Variants in PAX7 observed in about 807,000 individuals in gnomAD.
PAX7 encodes paired box 7.
Under a neutral mutation model 50.7 loss-of-function variants are expected in PAX7, and 18 were observed. That is an observed-to-expected ratio of 0.36 (90% confidence interval 0.25 to 0.53). The LOEUF (loss-of-function observed/expected upper bound fraction) is 0.53. Among genes scored for constraint, PAX7 ranks in the 20% least tolerant of loss-of-function variants. The probability of loss-of-function intolerance (pLI) is 0.93; values close to 1 mark genes in which losing one functional copy is unlikely to be tolerated. For missense variants in PAX7, 644 were observed against 702.9 expected, an observed-to-expected ratio of 0.92 and a Z score of 0.95; for synonymous variants, 310 against 290.4, an observed-to-expected ratio of 1.07 and a Z score of -0.69.
intron 4 of PAX7, among the ~76,000 whole-genome samples, chr1:18,691,408 A>C (rs1273681191): frequency 6.6e-6 from 1 of 152,198 alleles, no homozygotes; most frequent in Non-Finnish European, 1.5e-5. Flanking sequence ...CTTGAGTCTT[A>C]TGTCATGGAC....
At position 18,745,033 on chromosome 1, in the gene PAX7, A is replaced by G. The variant is rs2100422679; in HGVS notation, c.*104A>G. 3 of 681,084 alleles carry G rather than the reference A, an allele frequency of 4.4e-6. No homozygotes were observed. Among genetic ancestry groups the G allele is most frequent in the African/African-American group, 1.8e-5 (1 of 55,228 alleles). The allele number at this position is 681,084 out of a possible 1,614,324, so 42.2% of individuals were successfully genotyped here. ...CACCCCCCTGTTGTCCTAGGAGGCC[A>G]GGAAAGGAGCCCACCTGCTTCTCAT... On this transcript the variant is annotated 3_prime_UTR_variant, in exon 9 of 9. Coordinates refer to ENST00000420770, the MANE Select transcript of PAX7 (RefSeq NM_001135254.2).
Position 18,636,449 on chromosome 1 carries a change from C to T in PAX7, c.586+78C>T. 3 of 1,509,342 alleles carry T rather than the reference C, an allele frequency of 2.0e-6. No individual in the cohort carries two copies. Among genetic ancestry groups the T allele is most frequent in the South Asian group, 2.5e-5 (2 of 80,778 alleles). The allele number at this position is 1,509,342 out of a possible 1,614,324, so 93.5% of individuals were successfully genotyped here. A position where few individuals can be genotyped will look rare whatever the true frequency, so the allele number is the denominator to read the frequency against. ...GGTGTGCGGGCCAGTGGTTCGCTCC[C>T]GCCGCCGGAGCAGGCGACCAGAACT... On this transcript the variant is annotated intron_variant, in intron 4 of 8. Transcript: ENST00000420770. This position sits in a 1 kb window ranked among gnomAD's most constrained non-coding sequence, Gnocchi z 5.1.
chr1:18,635,101 A>G lies in PAX7; in HGVS notation c.322-10A>G. 6.2e-7 allele frequency: 1 copy of G among 1,612,854 alleles called. No homozygotes were observed. The highest frequency in any genetic ancestry group is 8.5e-7 in the Non-Finnish European group (1 of 1,179,372). On this transcript the variant is annotated splice_polypyrimidine_tract_variant and intron_variant, in intron 2 of 8. Coordinates refer to ENST00000420770, the MANE Select transcript of PAX7 (RefSeq NM_001135254.2). ...TTTCCACTCCTACTCTCCCACCTCC[A>G]CCTCTGAAGCAGGTGGCGACTCCGG...
At chr1:18,674,458 GAAGAGGTGAA>G (rs1482584279) in intron 4 of PAX7, among the ~76,000 whole-genome samples, 4 of 152,234 alleles carry the variant, frequency 2.6e-5, no homozygotes, top group African/African-American at 9.6e-5. Flanking sequence ...GGGTGGAGAA[GAAGAGGTGAA>G]AAGAGGTGAG....
In PAX7 at chr1:18,703,185, C is replaced by A; in HGVS notation, c.1044C>A (p.Thr348=). ...GLAAAAAAAD[T]SSAYGARHSF... ...CTGCAGCGGCTGCAGCCGCCGACAC[C>A]AGCTCTGCCTACGGAGCCCGCCACA... Residue 348 remains threonine, a synonymous_variant, in exon 7 of 9, where the codon ACC becomes ACA. Coordinates refer to ENST00000420770, the MANE Select transcript of PAX7 (RefSeq NM_001135254.2). 6.2e-7 allele frequency: 1 copy of A among 1,613,592 alleles called. No individual in the cohort carries two copies. The highest frequency in any genetic ancestry group is 8.5e-7 in the Non-Finnish European group (1 of 1,179,974).
chr1:18,673,111 A>G (rs2088776300), intron 4 of PAX7, among the ~76,000 whole-genome samples: 1 of 152,142 alleles, frequency 6.6e-6, no homozygotes, highest in Non-Finnish European at 1.5e-5. Context: ...CCGACTCCCG[A>G]TGGGCCTGGG....
chr1:18,644,419 T>C (rs2088306788), intron 4 of PAX7, among the ~76,000 whole-genome samples: 1 of 152,214 alleles, frequency 6.6e-6, no homozygotes, highest in Non-Finnish European at 1.5e-5. Flanking sequence ...AGACAAATGT[T>C]GTTATCCTTT....
intron 4 of PAX7, among the ~76,000 whole-genome samples, chr1:18,646,769 A>G (rs1198247194): frequency 6.6e-6 from 1 of 151,180 alleles, no homozygotes; most frequent in African/African-American, 2.4e-5. Flanking sequence ...TCCCGCTTTC[A>G]TTTCCACCGA....
In PAX7 at chr1:18,691,946, G is replaced by A. The variant is rs778485142; in HGVS notation, c.779G>A (p.Arg260His). ...LAQRTKLTEARVQVWFSNRRA... is the reference protein window; with the variant it reads ...LAQRTKLTEAHVQVWFSNRRA... ...CAGAGGACCAAGCTGACAGAGGCGC[G>A]TGTGCAGGTGAGGAGGCACCTGCGG... is the stretch of plus-strand genomic sequence containing the variant. Residue 260 changes from arginine (R) to histidine (H), a missense_variant, in exon 5 of 9, where the codon CGT becomes CAT. Arg to His is a conservative substitution (Grantham distance 29). Transcript: ENST00000420770. 8.1e-6 allele frequency: 13 copies of A among 1,612,896 alleles called. No individual in the cohort carries two copies. Among genetic ancestry groups the A allele is most frequent in the Non-Finnish European group, 1.1e-5 (13 of 1,179,628 alleles).
Position 18,744,849 on chromosome 1 carries a change from T to G in PAX7, c.1438T>G (p.Ser480Ala). ...VDYLAKNVSLSTQRRMKLGEH... is the reference protein window; with the variant it reads ...VDYLAKNVSLATQRRMKLGEH... ...TTATCTGGCCAAAAATGTGAGCCTC[T>G]CCACCCAGCGTCGCATGAAGCTCGG... The change falls in exon 9 of 9, where the codon TCC becomes GCC. Residue 480 changes from serine (S) to alanine (A), a missense_variant. By Grantham distance (99) the Ser-to-Ala change is moderately conservative. Transcript: ENST00000420770. 6.4e-7 allele frequency: 1 copy of G among 1,557,072 alleles called. No homozygotes were observed. Among genetic ancestry groups the G allele is most frequent in the South Asian group, 1.2e-5 (1 of 84,266 alleles).
At chr1:18,678,210 G>T (rs558558880) in intron 4 of PAX7, among the ~76,000 whole-genome samples, 1 of 152,074 alleles carries the variant, frequency 6.6e-6, no homozygotes, top group Non-Finnish European at 1.5e-5. Context: ...TTGGGAATTC[G>T]TGACAAGCCT....
chr1:18,676,800 C>CT (rs1256540818), intron 4 of PAX7, among the ~76,000 whole-genome samples: 6 of 152,202 alleles, frequency 3.9e-5, no homozygotes, highest in African/African-American at 1.4e-4. Flanking sequence ...TGAGAGCCAG[C>CT]CCCGCTGTAT....
At chr1:18,657,702 G>T (rs926008127) in intron 4 of PAX7, among the ~76,000 whole-genome samples, 7 of 152,082 alleles carry the variant, frequency 4.6e-5, no homozygotes, top group African/African-American at 1.7e-4. Flanking sequence ...TAGGATCTGC[G>T]ACTGCAGTGG....
chr1:18,681,923 G>C (rs1355730814), intron 4 of PAX7, among the ~76,000 whole-genome samples: 2 of 151,922 alleles, frequency 1.3e-5, no homozygotes, highest in Non-Finnish European at 1.5e-5. Context: ...ATTTTTAGTA[G>C]AGACGGGTTT....
intron 4 of PAX7, among the ~76,000 whole-genome samples, chr1:18,640,534 G>A (rs1052588697): frequency 1.3e-5 from 2 of 152,056 alleles, no homozygotes; most frequent in Admixed American, 6.6e-5. Flanking sequence ...GACGAGGATA[G>A]TCCATTTATC....
chr1:18,680,854 A>T (rs1170007841), intron 4 of PAX7, among the ~76,000 whole-genome samples: 1 of 152,186 alleles, frequency 6.6e-6, no homozygotes, highest in Non-Finnish European at 1.5e-5. Context: ...TTAAAGTCAC[A>T]GGAAGAGTGT....
intron 7 of PAX7, among the ~76,000 whole-genome samples, chr1:18,709,270 G>T (rs1032359136): frequency 2.6e-5 from 4 of 152,140 alleles, no homozygotes; most frequent in Non-Finnish European, 5.9e-5. Flanking sequence ...TGGAAGGGGC[G>T]TCTGTCTCCC....
chr1:18,708,015 T>C (rs682616), intron 7 of PAX7, among the ~76,000 whole-genome samples: 24,901 of 151,956 alleles, frequency 0.16, 2,552 homozygotes, highest in East Asian at 0.36. Context: ...GTTCCCTGAT[T>C]GTCTCCCCTA....
At chr1:18,668,194 C>T (rs2088696685) in intron 4 of PAX7, among the ~76,000 whole-genome samples, 1 of 152,100 alleles carries the variant, frequency 6.6e-6, no homozygotes, top group Non-Finnish European at 1.5e-5. Context: ...AAGGAGCAGC[C>T]CAGGCTGAGA....
Sources: allele counts gnomAD v4.1 joint callset (sites outside exome capture counted in the v4.1 genomes callset), GRCh38; gene constraint gnomAD v4.1.1; non-coding constraint Gnocchi (gnomAD v3.1); transcripts MANE v1.5; gene names NCBI Gene and HGNC (gene_info 2026-07-23, HGNC 2026-07-21).